The following EDARADD variants were observed in gnomAD, a reference collection of about 807,000 sequenced individuals.
The protein encoded by EDARADD is EDAR associated via death domain.
In EDARADD, 20 loss-of-function variants were observed where a neutral mutation model predicts 25.6. The observed-to-expected ratio is 0.78, with a 90% confidence interval of 0.55 to 1.14. The LOEUF (loss-of-function observed/expected upper bound fraction) is 1.14. EDARADD is among the 50% of genes most tolerant of loss of function. The pLI is 0.00. For synonymous variants in EDARADD, 86 were observed against 94.4 expected, an observed-to-expected ratio of 0.91 and a Z score of 0.52; for missense variants, 225 against 270.1, an observed-to-expected ratio of 0.83 and a Z score of 1.17.
intron 4 of EDARADD, among the ~76,000 whole-genome samples, chr1:236,449,974 G>A (rs776424926): frequency 3.9e-5 from 6 of 152,036 alleles, no homozygotes; most frequent in East Asian, 3.9e-4. Flanking sequence ...AGTGGTGTGC[G>A]CCTGTAATCC....
At chr1:236,466,247 C>T (rs1000251891) in intron 4 of EDARADD, among the ~76,000 whole-genome samples, 1 of 152,130 alleles carries the variant, frequency 6.6e-6, no homozygotes, top group African/African-American at 2.4e-5. Context: ...TGCAAACAGG[C>T]GGGTCTCCAC....
At chr1:236,443,284 G>T (rs1658450973) in intron 4 of EDARADD, among the ~76,000 whole-genome samples, 1 of 152,170 alleles carries the variant, frequency 6.6e-6, no homozygotes, top group Non-Finnish European at 1.5e-5. Context: ...CATGGACCAA[G>T]AAATAATTTT....
At chr1:236,450,771 A>G (rs1658690628) in intron 4 of EDARADD, among the ~76,000 whole-genome samples, 1 of 151,300 alleles carries the variant, frequency 6.6e-6, no homozygotes, top group African/African-American at 2.4e-5. Flanking sequence ...TTGGTCTCAA[A>G]CTCCGGACCT....
At chr1:236,382,216 T>C (rs927187694) in intron 3 of EDARADD, among the ~76,000 whole-genome samples, 1 of 152,224 alleles carries the variant, frequency 6.6e-6, no homozygotes, top group African/African-American at 2.4e-5. Context: ...TACTTTTCCC[T>C]TCAATTTCTA....
At chr1:236,380,497 T>C (rs1667285846) in intron 3 of EDARADD, among the ~76,000 whole-genome samples, 1 of 152,216 alleles carries the variant, frequency 6.6e-6, no homozygotes, top group Non-Finnish European at 1.5e-5. Flanking sequence ...TCAAGACTTA[T>C]TTTGCTAAGC....
intron 3 of EDARADD, among the ~76,000 whole-genome samples, chr1:236,356,422 C>T (rs1380399914): frequency 2.6e-5 from 4 of 152,140 alleles, no homozygotes; most frequent in African/African-American, 4.8e-5. Context: ...TGGCTTAGCC[C>T]GGAGAACAAT....
intron 4 of EDARADD, among the ~76,000 whole-genome samples, chr1:236,447,455 C>A (rs947693317): frequency 6.6e-6 from 1 of 151,970 alleles, no homozygotes; most frequent in Non-Finnish European, 1.5e-5. Context: ...AGGGTTTTGC[C>A]ATATTGGCCA....
intron 1 of EDARADD, among the ~76,000 whole-genome samples, chr1:236,407,150 C>T (rs2103007056): frequency 6.6e-6 from 1 of 152,290 alleles, no homozygotes; most frequent in South Asian, 2.1e-4. Flanking sequence ...ATCAGGGAGG[C>T]ATTGCTGTCT....
chr1:236,385,811 C>T (rs868758904), intron 3 of EDARADD, among the ~76,000 whole-genome samples: 367 of 4,922 alleles, frequency 0.075, 147 homozygotes, highest in African/African-American at 0.2. Flanking sequence ...TTAGCTCTCT[C>T]CCTCTCCCTC....
At chr1:236,465,234 G>C (rs1659154880) in intron 4 of EDARADD, among the ~76,000 whole-genome samples, 1 of 152,148 alleles carries the variant, frequency 6.6e-6, no homozygotes, top group Non-Finnish European at 1.5e-5. Context: ...AGCCAGGTGG[G>C]TATTTCCTGT....
chr1:236,483,437 C>A lies in EDARADD; in HGVS notation c.*788C>A. The stretch of plus-strand genomic sequence containing the variant: ...ACGTCACAGAACAAGAGAAGATTGA[C>A]AAACTTATGATAGAGATGGATGGAA... On this transcript the variant is annotated 3_prime_UTR_variant, in exon 6 of 6. Coordinates refer to ENST00000334232, the MANE Select transcript of EDARADD (RefSeq NM_145861.4). 1 of 1,100,988 alleles carries A rather than the reference C, an allele frequency of 9.1e-7. No individual in the cohort carries two copies. The highest frequency in any genetic ancestry group is 1.4e-6 in the Non-Finnish European group (1 of 714,526). The allele number at this position is 1,100,988 out of a possible 1,614,324, so 68.2% of individuals were successfully genotyped here.
In EDARADD at chr1:236,409,225, T is replaced by C. The variant is rs1657345119; in HGVS notation, c.71T>C (p.Val24Ala). 1 of 1,612,968 alleles carries C rather than the reference T, an allele frequency of 6.2e-7. No individual in the cohort carries two copies. Among genetic ancestry groups the C allele is most frequent in the South Asian group, 1.1e-5 (1 of 90,750 alleles). Residue 24 changes from valine to alanine, a missense_variant, in exon 2 of 6, where the codon GTA (valine) becomes GCA (alanine). Coordinates refer to ENST00000334232, the MANE Select transcript of EDARADD (RefSeq NM_145861.4). ...KAPGHQEDHM[V>A]KEPVEDTDPS... ...TTTGTTCTTTTTACAGATCATATGG[T>C]AAAGGAACCAGTGGAAGACACAGAC...
At chr1:236,435,574 G>T (rs1470885570) in intron 4 of EDARADD, among the ~76,000 whole-genome samples, 1 of 152,208 alleles carries the variant, frequency 6.6e-6, no homozygotes, top group Admixed American at 6.5e-5. Context: ...CTACCAAGAT[G>T]TCATTGGATT....
At chr1:236,414,662 G>A (rs664306) in intron 3 of EDARADD, among the ~76,000 whole-genome samples, 67,513 of 151,928 alleles carry the variant, frequency 0.44, 17,419 homozygotes, top group Non-Finnish European at 0.59. Context: ...GGCCAGGCGC[G>A]GTGGCTCGCA....
intron 4 of EDARADD, among the ~76,000 whole-genome samples, chr1:236,428,789 G>A (rs1204555256): frequency 6.6e-6 from 1 of 151,312 alleles, no homozygotes; most frequent in Non-Finnish European, 1.5e-5. Context: ...GCAGGCGGCT[G>A]GGAGGTGGAG....
rs1415904758 is a variant in EDARADD, at chr1:236,428,764, C to T, written c.219+1314C>T. On this transcript the variant is annotated intron_variant, in intron 4 of 5. Coordinates refer to ENST00000334232, the MANE Select transcript of EDARADD (RefSeq NM_145861.4). ...CCGGGCAGAGGCTGCAATCTCGGCA[C>T]TTTGGGAGGCCAAGGCAGGCGGCTG... Among the ~76,000 whole-genome samples, 4 of 150,500 alleles carry T rather than the reference C, an allele frequency of 2.7e-5. No individual in the cohort carries two copies. In the South Asian group the frequency reaches 6.4e-4, roughly 24 times the overall value.
chr1:236,467,939 A>G (rs1033961467), intron 4 of EDARADD, among the ~76,000 whole-genome samples: 1 of 152,144 alleles, frequency 6.6e-6, no homozygotes, highest in African/African-American at 2.4e-5. Context: ...TTTTAAAAAT[A>G]GGGACATTAG....
chr1:236,406,329 G>C (rs1006117761), intron 1 of EDARADD, among the ~76,000 whole-genome samples: 5 of 152,198 alleles, frequency 3.3e-5, no homozygotes, highest in Admixed American at 6.5e-5. Context: ...GTGTCCGGCT[G>C]TAAGGACTCA....
chr1:236,361,848 T>C (rs886289527), intron 3 of EDARADD, among the ~76,000 whole-genome samples: 1 of 152,096 alleles, frequency 6.6e-6, no homozygotes, highest in African/African-American at 2.4e-5. Context: ...TTTGGGGCTA[T>C]TACAAATACT....
Sources: gnomAD v4.1 joint callset for allele counts (sites outside exome capture counted in the v4.1 genomes callset) on GRCh38, gnomAD v4.1.1 for gene constraint, MANE v1.5 for transcripts, NCBI Gene and HGNC (gene_info 2026-07-23, HGNC 2026-07-21) for gene names.